The following RIN2 variants were observed in gnomAD, a reference collection of about 807,000 sequenced individuals.
The protein encoded by RIN2 is Ras and Rab interactor 2.
In RIN2, 36 loss-of-function variants were observed where a neutral mutation model predicts 78.0. The ratio of observed to expected loss-of-function variants is 0.46; its 90% confidence interval spans 0.35 to 0.61. RIN2 has a LOEUF of 0.61. RIN2 is among the 20% of genes least tolerant of loss of function. The pLI is 0.00. For missense variants in RIN2, 1,087 were observed against 1,159.7 expected (o/e 0.94, Z 0.91); for synonymous variants, 466 against 466.8 (o/e 1.00, Z 0.02).
rs1475236754 is a variant in RIN2 at position 19,844,652 on chromosome 20, T to C, written c.-37+44905T>C. 4.1e-3 allele frequency among the ~76,000 whole-genome samples: 445 copies of C among 107,786 alleles called. 9 individuals carry two copies. The highest frequency in any genetic ancestry group is 6.9e-3 in the East Asian group (22 of 3,206). 70.7% of individuals were successfully genotyped at this position (107,786 alleles called of 152,430 possible). On this transcript the variant is annotated intron_variant, in intron 2 of 12. Transcript: ENST00000255006. ...CTTCTTCTTCTTCTTCTTCTTCTTC[T>C]TCTTCTTCTTCTTCTTCCTTCTTCT...
intron 3 of RIN2, among the ~76,000 whole-genome samples, chr20:19,914,409 C>A (rs74551023): frequency 0.014 from 2,072 of 152,254 alleles, 39 homozygotes; most frequent in African/African-American, 0.047. Flanking sequence ...CTGTGGTGTT[C>A]CTGTATGACT....
intron 10 of RIN2, among the ~76,000 whole-genome samples, 149 bp from the exon 11 acceptor site, chr20:19,992,008 GTCAGAGGCTAC>G (rs2042810790): frequency 6.6e-6 from 1 of 152,142 alleles, no homozygotes; most frequent in Admixed American, 6.5e-5. Context: ...AGCTGGGAGG[GTCAGAGGCTAC>G]ATAGGATTCC....
Position 19,976,892 on chromosome 20 carries a change from T to C in RIN2, c.1762+1105T>C, listed in dbSNP as rs140617967. 6.8e-3 allele frequency among the ~76,000 whole-genome samples: 1,032 copies of C among 152,300 alleles called. 9 individuals are homozygous for C. Among genetic ancestry groups the C allele is most frequent in the Admixed American group, 9.7e-3 (149 of 15,296 alleles). On this transcript the variant is annotated intron_variant, in intron 9 of 12. Coordinates refer to ENST00000255006, the MANE Select transcript of RIN2 (RefSeq NM_018993.4). ...TCGTTTAAGTGATTTTCAGCAGCTC[T>C]TTGATTTTCTCACAAAGGAATCAAA...
At chr20:19,939,684 C>T (rs1007909936) in intron 4 of RIN2, among the ~76,000 whole-genome samples, 1 of 152,172 alleles carries the variant, frequency 6.6e-6, no homozygotes, top group Non-Finnish European at 1.5e-5. Flanking sequence ...GTGGCCCCTG[C>T]CTCCTGGCCT....
intron 3 of RIN2, among the ~76,000 whole-genome samples, chr20:19,909,243 C>G (rs1006708529): frequency 6.6e-6 from 1 of 152,112 alleles, no homozygotes; most frequent in Non-Finnish European, 1.5e-5. Flanking sequence ...GCTTTATAAT[C>G]TCCTCCTCCA....
chr20:19,914,560 T>G (rs1180737962), intron 3 of RIN2, among the ~76,000 whole-genome samples: 4 of 152,210 alleles, frequency 2.6e-5, no homozygotes, highest in African/African-American at 9.6e-5. Context: ...AAGAGCCAAA[T>G]TTAACAAATA....
chr20:19,870,891 T>G (rs1397075433), intron 2 of RIN2, among the ~76,000 whole-genome samples: 1 of 152,224 alleles, frequency 6.6e-6, no homozygotes, highest in African/African-American at 2.4e-5. Flanking sequence ...TCGTTTGGGA[T>G]GCTGACTTGG....
At chr20:19,844,675 T>TC (rs759028434) in intron 2 of RIN2, among the ~76,000 whole-genome samples, 3,375 of 66,764 alleles carry the variant, frequency 0.051, 53 homozygotes, top group East Asian at 0.082. Context: ...TCTTCCTTCT[T>TC]CTTCTTCTTC....
intron 4 of RIN2, among the ~76,000 whole-genome samples, chr20:19,943,339 GA>G (rs1194323181): frequency 6.6e-6 from 1 of 152,212 alleles, no homozygotes; most frequent in Non-Finnish European, 1.5e-5. Flanking sequence ...CCTGGAGGCA[GA>G]CATGAGCTTT....
chr20:19,892,482 G>A (rs2038521617), intron 3 of RIN2, among the ~76,000 whole-genome samples: 1 of 152,138 alleles, frequency 6.6e-6, no homozygotes, highest in Non-Finnish European at 1.5e-5. Flanking sequence ...CAAAATGCTG[G>A]GATTACAGGC....
chr20:19,883,147 G>A (rs979486791), intron 2 of RIN2, among the ~76,000 whole-genome samples: 1 of 152,164 alleles, frequency 6.6e-6, no homozygotes, highest in South Asian at 2.1e-4. Flanking sequence ...TTCCAAGTGA[G>A]TTGAGTCCAT....
chr20:19,935,002 A>G (rs1365619056), intron 3 of RIN2, 97 bp from the exon 4 acceptor site: 4 of 699,840 alleles, frequency 5.7e-6, no homozygotes, highest in Non-Finnish European at 9.4e-6. Flanking sequence ...AAAGATGGTC[A>G]TCTCTGTTCC....
At chr20:19,866,988 T>G (rs1476886355) in intron 2 of RIN2, among the ~76,000 whole-genome samples, 1 of 133,920 alleles carries the variant, frequency 7.5e-6, no homozygotes, top group Non-Finnish European at 1.6e-5. Flanking sequence ...AAACCATCAC[T>G]AAGAATCTTG....
At chr20:19,790,501 T>C (rs1173424386) in intron 1 of RIN2, among the ~76,000 whole-genome samples, 4 of 152,190 alleles carry the variant, frequency 2.6e-5, no homozygotes, top group Non-Finnish European at 5.9e-5. Context: ...CTTATCTAAA[T>C]CTAGGATAAG....
chr20:19,875,452 A>AC (rs913998346), intron 2 of RIN2, among the ~76,000 whole-genome samples: 1 of 152,178 alleles, frequency 6.6e-6, no homozygotes, highest in African/African-American at 2.4e-5. Flanking sequence ...GGCGTGAGCC[A>AC]CTGCGCCCAG....
intron 3 of RIN2, among the ~76,000 whole-genome samples, chr20:19,926,835 C>G (rs1009995238): frequency 6.6e-6 from 1 of 152,204 alleles, no homozygotes; most frequent in Non-Finnish European, 1.5e-5. Context: ...ATTTGAAGAG[C>G]GCTGTATCAG....
chr20:19,963,515 A>G (rs1207910337), intron 6 of RIN2, among the ~76,000 whole-genome samples: 1 of 151,770 alleles, frequency 6.6e-6, no homozygotes, highest in Non-Finnish European at 1.5e-5. Context: ...AGGCTTAGAC[A>G]GGAGAATCGC....
At chr20:19,918,904 T>C (rs1224161997) in intron 3 of RIN2, among the ~76,000 whole-genome samples, 5 of 152,244 alleles carry the variant, frequency 3.3e-5, no homozygotes, top group African/African-American at 1.2e-4. Flanking sequence ...TTATATTTGC[T>C]GTAAGAACAG....
intron 4 of RIN2, among the ~76,000 whole-genome samples, chr20:19,937,587 C>T (rs927180197): frequency 6.6e-6 from 1 of 152,216 alleles, no homozygotes; most frequent in Non-Finnish European, 1.5e-5. Context: ...GTTGCTCTTT[C>T]GTGCTTAATA....
Sources: gnomAD v4.1 joint callset for allele counts (sites outside exome capture counted in the v4.1 genomes callset) on GRCh38, gnomAD v4.1.1 for gene constraint, MANE v1.5 for transcripts, NCBI Gene and HGNC (gene_info 2026-07-23, HGNC 2026-07-21) for gene names.